ASPH: variants seen among roughly 807,000 people sequenced by gnomAD.
ASPH encodes the protein aspartyl/asparaginyl beta-hydroxylase.
Under a neutral mutation model 118.4 loss-of-function variants are expected in ASPH, and 100 were observed. The observed-to-expected ratio is 0.84, with a 90% CI of 0.72 to 1.00. The LOEUF is 1.00. Among genes scored for constraint, ASPH ranks in the 50% least tolerant of loss-of-function variants. ASPH has a pLI of 0.00. For synonymous variants in ASPH, 315 were observed against 325.6 expected (o/e 0.97, Z 0.35); for missense variants, 920 against 919.5 (o/e 1.00, Z -0.01).
intron 16 of ASPH, 53 bp downstream of exon 16, chr8:61,576,719 A>T (rs1300039673): frequency 2.7e-5 from 40 of 1,507,940 alleles, no homozygotes; most frequent in Non-Finnish European, 9.0e-7. Flanking sequence ...ATTCAATCAC[A>T]CAAAACACAT....
chr8:61,517,993 C>A (rs778370565), intron 23 of ASPH, 39 bp downstream of exon 23: 5 of 1,566,874 alleles, frequency 3.2e-6, no homozygotes, highest in Admixed American at 1.7e-5. Context: ...TTATTCCTAA[C>A]AATTAATTGT....
At chr8:61,536,847 T>C (rs963561768) in intron 21 of ASPH, among the ~76,000 whole-genome samples, 1 of 152,116 alleles carries the variant, frequency 6.6e-6, no homozygotes, top group African/African-American at 2.4e-5. Context: ...TTACTGCAGG[T>C]TGTGGGTCAA....
At chr8:61,532,829 G>A (rs1818082976) in intron 21 of ASPH, among the ~76,000 whole-genome samples, 1 of 152,102 alleles carries the variant, frequency 6.6e-6, no homozygotes, top group Non-Finnish European at 1.5e-5. Context: ...GTGATTTGGG[G>A]CAAATTACTT....
intron 24 of ASPH, among the ~76,000 whole-genome samples, chr8:61,504,878 T>G (rs756513007): frequency 6.6e-6 from 1 of 152,180 alleles, no homozygotes; most frequent in Non-Finnish European, 1.5e-5. Flanking sequence ...GATAAAGTAC[T>G]GAGTATTTGC....
chr8:61,686,042 A>G (rs1203415833), intron 1 of ASPH, among the ~76,000 whole-genome samples: 1 of 152,108 alleles, frequency 6.6e-6, no homozygotes, highest in East Asian at 1.9e-4. Flanking sequence ...GTGCTGGGTA[A>G]TTCTTAAAAC....
chr8:61,689,822 T>C, intron 1 of ASPH: 3 of 1,450,666 alleles, frequency 2.1e-6, no homozygotes, highest in South Asian at 1.5e-5. Flanking sequence ...GGCCAATCCC[T>C]GCACTGTAAG....
chr8:61,594,104 T>C (rs1841917515), intron 14 of ASPH, among the ~76,000 whole-genome samples: 1 of 152,186 alleles, frequency 6.6e-6, no homozygotes, highest in African/African-American at 2.4e-5. Flanking sequence ...TGGGTTAAAC[T>C]GTGTAGACAT....
intron 2 of ASPH, among the ~76,000 whole-genome samples, chr8:61,683,218 C>T (rs942895651): frequency 2.0e-5 from 3 of 150,546 alleles, no homozygotes; most frequent in Non-Finnish European, 4.4e-5. Flanking sequence ...AAGGGGGTAA[C>T]AAAAATAATC....
chr8:61,698,232 A>G (rs998288130), intron 1 of ASPH, among the ~76,000 whole-genome samples: 1 of 152,270 alleles, frequency 6.6e-6, no homozygotes, highest in Non-Finnish European at 1.5e-5. Context: ...AAGGCACAGA[A>G]ACAGCTGGAT....
At chr8:61,537,537 T>TTTATTA in intron 21 of ASPH, among the ~76,000 whole-genome samples, 1 of 151,940 alleles carries the variant, frequency 6.6e-6, no homozygotes, top group South Asian at 2.1e-4. Flanking sequence ...GCCTGGCTAA[T>TTTATTA]TTATTATTAT....
intron 21 of ASPH, among the ~76,000 whole-genome samples, chr8:61,547,068 T>A (rs1824148071): frequency 6.6e-6 from 1 of 152,126 alleles, no homozygotes; most frequent in South Asian, 2.1e-4. Context: ...ATACATGAAG[T>A]TTTTACATTT....
chr8:61,566,145 C>G (rs1419346948), intron 17 of ASPH, among the ~76,000 whole-genome samples: 1 of 152,194 alleles, frequency 6.6e-6, no homozygotes, highest in Non-Finnish European at 1.5e-5. Context: ...GTAATTTAGA[C>G]TTTTAAGTTC....
intron 1 of ASPH, among the ~76,000 whole-genome samples, chr8:61,705,718 ACTC>A (rs1401260952): frequency 6.6e-6 from 1 of 151,872 alleles, no homozygotes; most frequent in African/African-American, 2.4e-5. Flanking sequence ...GGATATAAAA[ACTC>A]CTCAGATCAG....
intron 8 of ASPH, 47 bp from the exon 9 acceptor site, chr8:61,643,480 C>T (rs1444519853): frequency 6.5e-7 from 1 of 1,531,918 alleles, no homozygotes; most frequent in South Asian, 1.1e-5. Context: ...AAACCAAACA[C>T]ATTGCCAGAC....
intron 3 of ASPH, chr8:61,664,685 G>A: frequency 1.0e-6 from 1 of 986,034 alleles, no homozygotes; most frequent in Non-Finnish European, 1.2e-6. Flanking sequence ...AGGGAAAAGG[G>A]GAAGGAGAAC....
At chr8:61,540,103 G>C (rs994621348) in intron 21 of ASPH, among the ~76,000 whole-genome samples, 8 of 152,084 alleles carry the variant, frequency 5.3e-5, no homozygotes, top group Non-Finnish European at 1.2e-4. Context: ...AACTCTACTG[G>C]AATATTTTTC....
chr8:61,663,523 A>G (rs2151313913), intron 3 of ASPH: 1 of 985,416 alleles, frequency 1.0e-6, no homozygotes, highest in Non-Finnish European at 1.2e-6. Flanking sequence ...GCTAAGAGGA[A>G]AAAGAACTCT....
chr8:61,527,213 A>T (rs181304580), intron 21 of ASPH, among the ~76,000 whole-genome samples: 7 of 152,322 alleles, frequency 4.6e-5, no homozygotes, highest in Non-Finnish European at 7.3e-5. Context: ...TATTCTAAAG[A>T]TTGATTGAGT....
chr8:61,652,710 A>C (rs1811660728), intron 4 of ASPH, among the ~76,000 whole-genome samples: 1 of 152,194 alleles, frequency 6.6e-6, no homozygotes, highest in African/African-American at 2.4e-5. Flanking sequence ...TTAAATTATA[A>C]AACTTTTTAA....
Sources: allele counts gnomAD v4.1 joint callset (sites outside exome capture counted in the v4.1 genomes callset), GRCh38; gene constraint gnomAD v4.1.1; transcripts MANE v1.5; gene names NCBI Gene and HGNC (gene_info 2026-07-23, HGNC 2026-07-21).